ABCA1: variants seen among roughly 807,000 people sequenced by gnomAD.
ABCA1 encodes the protein phospholipid-transporting ATPase ABCA1.
Under a neutral mutation model 262.5 loss-of-function variants are expected in ABCA1, and 133 were observed. The observed-to-expected ratio is 0.51, with a 90% CI of 0.44 to 0.59. The LOEUF is 0.59. Ranked by LOEUF, ABCA1 falls within the 20% of genes least tolerant of loss-of-function variation. The pLI, the probability that ABCA1 is intolerant of heterozygous loss-of-function variation, is 0.00. For synonymous variants in ABCA1, 1,022 were observed against 1,043.5 expected (o/e 0.98, Z 0.40); for missense variants, 2,452 against 2,777.5 (o/e 0.88, Z 2.63).
At chr9:104,864,400 C>G (rs1836897098) in intron 5 of ABCA1, among the ~76,000 whole-genome samples, 3 of 151,948 alleles carry the variant, frequency 2.0e-5, no homozygotes, top group Admixed American at 2.0e-4. Context: ...TTGGGAGAAA[C>G]AGGAAGGAAG....
rs371949943 is a variant in ABCA1, at chr9:104,858,629, G to T, written c.613C>A (p.Gln205Lys). The T allele has an allele frequency of 7.6e-5, 122 of 1,614,054 alleles. 2 individuals are homozygous for T. In the South Asian group the frequency reaches 8.0e-4, roughly 11 times the overall value. The change falls in exon 7 of 50, where the codon CAA (glutamine) becomes AAA (lysine). Residue 205 changes from glutamine (Q) to lysine (K), a missense_variant. Around this residue, in one of 4 missense-constraint regions of ABCA1, gnomAD observed 1,032 missense variants for 1,089.7 expected, o/e 0.95. Transcript: ENST00000374736. ...TCAGAAACTTCTTGGTCACCAAGTTGAATCATCTCTTCTGATTTTGATCCA... is the reference window on the plus strand; with the variant it reads ...TCAGAAACTTCTTGGTCACCAAGTTTAATCATCTCTTCTGATTTTGATCCA... ...CNGSKSEEMIQLGDQEVSELC... is the reference protein window; with the variant it reads ...CNGSKSEEMIKLGDQEVSELC...
In ABCA1 at chr9:104,829,066, G is replaced by C; in HGVS notation, c.1965C>G (p.Ile655Met). 6.2e-7 allele frequency: 1 copy of C among 1,614,176 alleles called. No individual in the cohort carries two copies. Among genetic ancestry groups the C allele is most frequent in the Non-Finnish European group, 8.5e-7 (1 of 1,180,040 alleles). ...TLAWIYSVAV[I>M]IKGIVYEKEA... ...CCTTCTCATACACGATGCCCTTGATGATCACAGCCACTGAGTAAATCCAGG... is the reference window on the plus strand; with the variant it reads ...CCTTCTCATACACGATGCCCTTGATCATCACAGCCACTGAGTAAATCCAGG... Residue 655 changes from isoleucine (I) to methionine (M), a missense_variant, in exon 15 of 50, where the codon ATC becomes ATG. Transcript: ENST00000374736.
At chr9:104,870,672 C>T (rs61337787) in intron 5 of ABCA1, among the ~76,000 whole-genome samples, 3,839 of 152,060 alleles carry the variant, frequency 0.025, 140 homozygotes, top group African/African-American at 0.087. Flanking sequence ...GTTTCATGTG[C>T]GTCTGTGTGA....
intron 6 of ABCA1, 98 bp downstream of exon 6, chr9:104,861,581 C>T (rs1270307103): frequency 2.6e-6 from 4 of 1,529,458 alleles, no homozygotes; most frequent in Non-Finnish European, 3.6e-6. Flanking sequence ...CTCCCCTTCA[C>T]CACCATTACA....
intron 5 of ABCA1, among the ~76,000 whole-genome samples, chr9:104,877,959 C>T (rs955657985): frequency 6.6e-6 from 1 of 152,194 alleles, no homozygotes; most frequent in Non-Finnish European, 1.5e-5. Context: ...TGTTGAACAT[C>T]CTCCTAAGCA....
rs767184870 is a variant in ABCA1, at chr9:104,814,249, GA to G, written c.3788-19del. On this transcript the variant is annotated intron_variant, in intron 26 of 49. Transcript: ENST00000374736. Reference sequence around the variant, plus strand: ...GGTACCATCTGAAGGCACAAGGAAAGAATCCCATACTTTATTTTATTTACAA... The same window carrying G: ...GGTACCATCTGAAGGCACAAGGAAAGATCCCATACTTTATTTTATTTACAA... The G allele has an allele frequency of 1.2e-6, 2 of 1,612,250 alleles. No homozygotes were observed. Among genetic ancestry groups the G allele is most frequent in the Admixed American group, 3.3e-5 (2 of 60,026 alleles).
At chr9:104,912,004 C>A (rs1841524646) in intron 1 of ABCA1, among the ~76,000 whole-genome samples, 1 of 152,066 alleles carries the variant, frequency 6.6e-6, no homozygotes, top group Admixed American at 6.6e-5. Context: ...TTTTAAAGTA[C>A]CAAATGCATC....
chr9:104,855,739 AAATATTCAAATGC>A (rs755917732), intron 7 of ABCA1: 30 of 1,547,116 alleles, frequency 1.9e-5, no homozygotes, highest in Non-Finnish European at 2.5e-5. Context: ...AATGCTGGTA[AAATATTCAAATGC>A]AATATTCAAA....
intron 26 of ABCA1, 67 bp downstream of exon 26, chr9:104,814,360 C>G: frequency 6.3e-7 from 1 of 1,579,174 alleles, no homozygotes; most frequent in East Asian, 2.2e-5. Flanking sequence ...AGGAACAATA[C>G]TCGTGCACTG....
intron 1 of ABCA1, among the ~76,000 whole-genome samples, chr9:104,918,290 TAGAG>T (rs1841956142): frequency 2.0e-5 from 3 of 152,180 alleles, no homozygotes; most frequent in Admixed American, 2.0e-4. Flanking sequence ...TGAAAACCTG[TAGAG>T]AGAGACTCAT....
At chr9:104,917,568 A>G (rs7849869) in intron 1 of ABCA1, among the ~76,000 whole-genome samples, 14,268 of 73,792 alleles carry the variant, frequency 0.19, 758 homozygotes, top group African/African-American at 0.26. Context: ...CAGCCTGGCC[A>G]ACATGACGAA....
At chr9:104,832,881 G>A (rs1468899365) in intron 11 of ABCA1, 110 bp from the exon 12 acceptor site, 21 of 973,290 alleles carry the variant, frequency 2.2e-5, no homozygotes, top group South Asian at 5.4e-5. Context: ...TATCCTCACA[G>A]AAAACTGAGG....
In ABCA1 at chr9:104,858,698, C is replaced by T. The variant is rs750067729; in HGVS notation, c.544G>A (p.Val182Ile). The T allele has an allele frequency of 8.1e-6, 13 of 1,613,930 alleles. No individual in the cohort carries two copies. In the East Asian group the frequency reaches 2.0e-4, roughly 25 times the overall value. The stretch of plus-strand genomic sequence containing the variant: ...TGTAACTGGTAGCCTTGCAAAAATA[C>T]CTGGAAGCATTTCATGCAAAGAGAG... Reference protein sequence around the residue: ...MLRADVILHKVFLQGYQLHLT... With the variant: ...MLRADVILHKIFLQGYQLHLT... The change falls in exon 7 of 50, where the codon GTA becomes ATA. Residue 182 changes from valine (V) to isoleucine (I), a missense_variant and splice_region_variant. Val to Ile is a conservative substitution (Grantham distance 29, BLOSUM62 3). This residue lies in a region of ABCA1 where 1,032 missense variants were observed against 1,089.7 expected (regional missense o/e 0.95). Transcript: ENST00000374736.
At chr9:104,787,018 A>T (rs1260577967) in intron 46 of ABCA1, 42 bp from the exon 47 acceptor site, 21 of 1,553,596 alleles carry the variant, frequency 1.4e-5, no homozygotes, top group Non-Finnish European at 1.8e-5. Context: ...TGGGGGGAAA[A>T]AAAATCAAAG....
intron 1 of ABCA1, among the ~76,000 whole-genome samples, chr9:104,909,607 T>TACACACACACACACAC (rs59524252): frequency 1.5e-5 from 2 of 133,954 alleles, no homozygotes; most frequent in Admixed American, 1.5e-4. Flanking sequence ...GCAAAAGAAA[T>TACACACACACACACAC]ACACACACAC....
At chr9:104,824,441 G>T (rs766041898) in intron 18 of ABCA1, 24 bp downstream of exon 18, 224 of 1,613,832 alleles carry the variant, frequency 1.4e-4, no homozygotes, top group Non-Finnish European at 1.9e-4. Context: ...GTTAAAGAAA[G>T]AGCAGGAGGT....
chr9:104,831,866 A>G (rs371674223), intron 12 of ABCA1, 39 bp from the exon 13 acceptor site: 6 of 1,594,966 alleles, frequency 3.8e-6, no homozygotes, highest in African/African-American at 2.7e-5. Context: ...GTTGGCAGCC[A>G]GGACAACAAG....
At chr9:104,812,237 G>A (rs559854807) in intron 28 of ABCA1, among the ~76,000 whole-genome samples, 2 of 152,240 alleles carry the variant, frequency 1.3e-5, no homozygotes, top group African/African-American at 2.4e-5. Flanking sequence ...TCCTTTTTAT[G>A]TTCTCCTCCA....
At position 104,840,487 on chromosome 9, in the gene ABCA1, T is replaced by A. The variant is rs769723148; in HGVS notation, c.846A>T (p.Arg282=). ...CATTGGTCAGAAACATCACCTCCTG[T>A]CGCATGTCACTCCAGCTTCTCATGC... ...LFSMRSWSDM[R]QEVMFLTNVN... Residue 282 remains arginine, a synonymous_variant, in exon 9 of 50, where the codon CGA becomes CGT. Transcript: ENST00000374736. 6.2e-7 allele frequency: 1 copy of A among 1,613,938 alleles called. No individual in the cohort carries two copies. The highest frequency in any genetic ancestry group is 1.1e-5 in the South Asian group (1 of 91,054).
Sources: gnomAD v4.1 joint callset for allele counts (sites outside exome capture counted in the v4.1 genomes callset) on GRCh38, gnomAD v4.1.1 for gene constraint, gnomAD v4.1.1 regional missense constraint, MANE v1.5 for transcripts, NCBI Gene and HGNC (gene_info 2026-07-23, HGNC 2026-07-21) for gene names.